Variants in SHROOM4 observed in about 807,000 individuals in gnomAD.
SHROOM4 encodes shroom family member 4.
SHROOM4 carries 17 observed loss-of-function variants against 80.3 expected under a neutral mutation model. The ratio of observed to expected loss-of-function variants is 0.21; its 90% CI spans 0.14 to 0.32. The LOEUF is 0.32. Ranked by LOEUF, SHROOM4 falls within the 10% of genes least tolerant of loss-of-function variation. The pLI is 1.00. For missense variants in SHROOM4, 993 were observed against 1,140.3 expected (o/e 0.87, Z 1.86); for synonymous variants, 400 against 437.5 (o/e 0.91, Z 1.07).
intron 1 of SHROOM4, among the ~76,000 whole-genome samples, chrX:50,808,861 C>T (rs1042841520): frequency 2.7e-5 from 3 of 110,714 alleles, no homozygotes; most frequent in African/African-American, 9.9e-5. Flanking sequence ...TTTTTAACTT[C>T]AGCAAGCATA....
intron 5 of SHROOM4, among the ~76,000 whole-genome samples, chrX:50,611,144 CTTTTTTTT>C (rs782473243): frequency 4.4e-5 from 3 of 68,218 alleles, no homozygotes. Context: ...TTCTTTTTTT[CTTTTTTTT>C]TTTTTTTTTT....
intron 2 of SHROOM4, among the ~76,000 whole-genome samples, chrX:50,684,749 T>G (rs1557262089): frequency 3.6e-5 from 4 of 111,696 alleles, no homozygotes; most frequent in African/African-American, 1.3e-4. Flanking sequence ...AGGAGCAAGA[T>G]TTCTTTAAAA....
chrX:50,713,468 A>T (rs1933872294), intron 1 of SHROOM4, among the ~76,000 whole-genome samples: 1 of 108,078 alleles, frequency 9.3e-6, no homozygotes, highest in Non-Finnish European at 1.9e-5. Flanking sequence ...CTGTCTCTAA[A>T]ATTTTTTTTT....
chrX:50,597,848 A>AT (rs1437098742), intron 8 of SHROOM4, among the ~76,000 whole-genome samples: 3 of 109,682 alleles, frequency 2.7e-5, no homozygotes, highest in Non-Finnish European at 3.8e-5. Flanking sequence ...TATTATTATT[A>AT]TTTTTTTTGA....
At chrX:50,788,719 A>G (rs1021578213) in intron 1 of SHROOM4, among the ~76,000 whole-genome samples, 1 of 112,225 alleles carries the variant, frequency 8.9e-6, no homozygotes, top group Non-Finnish European at 1.9e-5. Context: ...TCCCAAATTG[A>G]GAGATATAGA....
chrX:50,743,683 C>T (rs984111866), intron 1 of SHROOM4, among the ~76,000 whole-genome samples: 1 of 111,070 alleles, frequency 9.0e-6, no homozygotes, highest in Admixed American at 9.6e-5. Context: ...TCTGGAACTC[C>T]TGGGCTCAAG....
chrX:50,613,694 A>G (rs1292256127), intron 5 of SHROOM4, among the ~76,000 whole-genome samples: 8 of 112,331 alleles, frequency 7.1e-5, no homozygotes, highest in African/African-American at 2.6e-4. Flanking sequence ...ACAATTTCCT[A>G]GCAACGATGA....
chrX:50,597,102 T>G, intron 8 of SHROOM4, 138 bp from the exon 9 acceptor site: 1 of 754,555 alleles, frequency 1.3e-6, no homozygotes, highest in Non-Finnish European at 1.9e-6. Context: ...CTAGATTTTC[T>G]GCCCTGAAGT....
At chrX:50,624,983 C>A (rs1369191835) in intron 5 of SHROOM4, among the ~76,000 whole-genome samples, 2 of 111,178 alleles carry the variant, frequency 1.8e-5, no homozygotes, top group African/African-American at 6.5e-5. Flanking sequence ...ATAATAGGTC[C>A]CATCAAACTG....
chrX:50,677,628 A>C (rs1260007556), intron 2 of SHROOM4, among the ~76,000 whole-genome samples: 1 of 111,686 alleles, frequency 9.0e-6, no homozygotes, highest in Non-Finnish European at 1.9e-5. Flanking sequence ...AGAGATATTA[A>C]GGCAGACGTC....
chrX:50,664,431 A>G, intron 2 of SHROOM4, among the ~76,000 whole-genome samples: 1 of 111,845 alleles, frequency 8.9e-6, no homozygotes, highest in Non-Finnish European at 1.9e-5. Flanking sequence ...TTAGTGTCTA[A>G]TTACAGTTTC....
chrX:50,601,179 C>T (rs1929382103), intron 7 of SHROOM4, among the ~76,000 whole-genome samples: 1 of 112,102 alleles, frequency 8.9e-6, no homozygotes, highest in Non-Finnish European at 1.9e-5. Flanking sequence ...CTTTCTTCCT[C>T]AGAGACAAAA....
At chrX:50,601,335 G>A (rs1044542408) in intron 7 of SHROOM4, among the ~76,000 whole-genome samples, 2 of 112,133 alleles carry the variant, frequency 1.8e-5, no homozygotes, top group Admixed American at 9.5e-5. Flanking sequence ...GAGTACCCCT[G>A]CTCGGGGAAC....
At chrX:50,722,897 T>C (rs1934151854) in intron 1 of SHROOM4, among the ~76,000 whole-genome samples, 1 of 110,987 alleles carries the variant, frequency 9.0e-6, no homozygotes, top group African/African-American at 3.3e-5. Flanking sequence ...GATTGTTTCT[T>C]AATTTATAGC....
chrX:50,770,093 C>T (rs987723422), intron 1 of SHROOM4, among the ~76,000 whole-genome samples: 1 of 110,323 alleles, frequency 9.1e-6, no homozygotes, highest in Non-Finnish European at 1.9e-5. Flanking sequence ...AAGGTCTTAC[C>T]AAAGCCTTCC....
intron 1 of SHROOM4, among the ~76,000 whole-genome samples, chrX:50,747,522 C>G (rs1476638885): frequency 8.9e-6 from 1 of 111,868 alleles, no homozygotes. Flanking sequence ...AAAAAAAGTT[C>G]TGACAAATAG....
chrX:50,814,081 C>A lies in SHROOM4; in HGVS notation c.-63G>T. 2 of 790,658 alleles carry A rather than the reference C, an allele frequency of 2.5e-6. No individual in the cohort carries two copies. Among genetic ancestry groups the A allele is most frequent in the Non-Finnish European group, 3.8e-6 (2 of 522,024 alleles). The allele number at this position is 790,658 out of a possible 1,213,427, so 65.2% of individuals were successfully genotyped here. A position where few individuals can be genotyped will look rare whatever the true frequency, so the allele number is the denominator to read the frequency against. On this transcript the variant is annotated 5_prime_UTR_variant, in exon 1 of 9. Coordinates refer to ENST00000376020, the MANE Select transcript of SHROOM4 (RefSeq NM_020717.5). ...GAGGGGGCTACGTTGCCTCCGCCCC[C>A]AGCAGCTCCGCCACCATCGCCCTCC...
Position 50,647,270 on chromosome X carries a change from G to A in SHROOM4, c.270-8962C>T, listed in dbSNP as rs1411684328. 2.7e-5 allele frequency among the ~76,000 whole-genome samples: 3 copies of A among 111,872 alleles called. No homozygotes were observed. The Admixed American group carries it at 2.8e-4, about 11-fold the overall frequency. The stretch of plus-strand genomic sequence containing the variant: ...TCAATGATCCTAAAGGCAAAGAGGT[G>A]GATAGTGAATATTTCGAAGCTTCTA... On this transcript the variant is annotated intron_variant, in intron 2 of 8. Coordinates refer to ENST00000376020, the MANE Select transcript of SHROOM4 (RefSeq NM_020717.5).
intron 7 of SHROOM4, among the ~76,000 whole-genome samples, chrX:50,600,415 T>G (rs1267311128): frequency 9.0e-6 from 1 of 111,398 alleles, no homozygotes; most frequent in Non-Finnish European, 1.9e-5. Flanking sequence ...TGGTATTATA[T>G]ACGACCTTGA....
Sources: gnomAD v4.1 joint callset for allele counts (sites outside exome capture counted in the v4.1 genomes callset) on GRCh38, gnomAD v4.1.1 for gene constraint, MANE v1.5 for transcripts, NCBI Gene and HGNC (gene_info 2026-07-23, HGNC 2026-07-21) for gene names.